Variants in ELOVL7 observed in about 807,000 individuals in gnomAD.
ELOVL7 encodes the protein ELOVL fatty acid elongase 7, also known as very long chain fatty acid elongase 7.
A neutral mutation model predicts 35.7 loss-of-function variants in ELOVL7; 27 were observed. The observed-to-expected ratio is 0.76, with a 90% confidence interval of 0.56 to 1.04. The LOEUF (loss-of-function observed/expected upper bound fraction) is 1.04, where lower values mean the gene tolerates loss of function less well. Ranked by LOEUF, ELOVL7 falls within the 50% of genes least tolerant of loss-of-function variation. ELOVL7 has a pLI of 0.00. For missense variants in ELOVL7, 327 were observed against 340.8 expected (o/e 0.96, Z 0.32); for synonymous variants, 113 against 114.6 (o/e 0.99, Z 0.09).
intron 1 of ELOVL7, chr5:60,843,469 C>T (rs1747307098): frequency 6.6e-6 from 1 of 152,212 alleles, no homozygotes; most frequent in African/African-American, 2.4e-5. Context: ...TCCGGCACGA[C>T]CTGTTCCACG....
intron 1 of ELOVL7, among the ~76,000 whole-genome samples, chr5:60,843,743 C>A (rs2112426784): frequency 6.6e-6 from 1 of 152,316 alleles, no homozygotes; most frequent in East Asian, 1.9e-4. Context: ...GCGAGCACCT[C>A]TGCCCCTCCC....
chr5:60,821,844 G>A (rs1245825467), intron 1 of ELOVL7, among the ~76,000 whole-genome samples: 1 of 152,234 alleles, frequency 6.6e-6, no homozygotes, highest in Non-Finnish European at 1.5e-5. Context: ...ACCAGTTCAA[G>A]TGTTGCTGAA....
At chr5:60,813,539 T>G (rs1745352924) in intron 1 of ELOVL7, among the ~76,000 whole-genome samples, 1 of 152,144 alleles carries the variant, frequency 6.6e-6, no homozygotes, top group Admixed American at 6.6e-5. Flanking sequence ...CCTACTGCCC[T>G]CCAATGTAAA....
At chr5:60,799,817 C>A (rs1744483755) in intron 1 of ELOVL7, among the ~76,000 whole-genome samples, 1 of 152,026 alleles carries the variant, frequency 6.6e-6, no homozygotes, top group Admixed American at 6.5e-5. Context: ...GCGGGCGGAT[C>A]ACCTGAGGTC....
chr5:60,813,781 GCTGA>G (rs1245020684), intron 1 of ELOVL7, among the ~76,000 whole-genome samples: 2 of 152,118 alleles, frequency 1.3e-5, no homozygotes, highest in Non-Finnish European at 2.9e-5. Context: ...GTAGATTGGG[GCTGA>G]CTAAGAAGGT....
In ELOVL7 at chr5:60,786,318, T is replaced by C. The variant is rs1214948967; in HGVS notation, c.64+1016A>G. ...CTTTTAAAACTTTAAAAAATGGTTA[T>C]AAAAGCAACACAACATATTTGTTGT... is the stretch of plus-strand genomic sequence containing the variant. On this transcript the variant is annotated intron_variant, in intron 3 of 8. Coordinates refer to ENST00000508821, the MANE Select transcript of ELOVL7 (RefSeq NM_024930.3). Among the ~76,000 whole-genome samples the C allele has an allele frequency of 3.3e-5, 5 of 152,144 alleles. No individual in the cohort carries two copies. The East Asian group carries it at 9.6e-4, about 29-fold the overall frequency.
intron 3 of ELOVL7, chr5:60,786,112 TA>T (rs1743569253): frequency 6.6e-6 from 1 of 152,158 alleles, no homozygotes; most frequent in South Asian, 2.1e-4. Context: ...ACTCAAATGT[TA>T]AATACCAGAG....
chr5:60,777,132 G>A (rs1742955960), intron 3 of ELOVL7, among the ~76,000 whole-genome samples: 1 of 151,970 alleles, frequency 6.6e-6, no homozygotes, highest in Non-Finnish European at 1.5e-5. Context: ...GGTGGGAATA[G>A]CTAATGGGTA....
chr5:60,815,444 A>C (rs1325058702), intron 1 of ELOVL7, among the ~76,000 whole-genome samples: 6 of 152,220 alleles, frequency 3.9e-5, no homozygotes, highest in African/African-American at 1.4e-4. Context: ...AAATCAGAAA[A>C]ACCTTGCAGA....
intron 3 of ELOVL7, chr5:60,785,821 T>C (rs1057308061): frequency 2.0e-5 from 3 of 152,236 alleles, no homozygotes; most frequent in Non-Finnish European, 2.9e-5. Flanking sequence ...ATGAGATACT[T>C]ACAAAGAACC....
At chr5:60,837,884 C>T (rs1746922043) in intron 1 of ELOVL7, among the ~76,000 whole-genome samples, 1 of 152,108 alleles carries the variant, frequency 6.6e-6, no homozygotes, top group Non-Finnish European at 1.5e-5. Flanking sequence ...TGCAGTAAGC[C>T]AAGAGCATGC....
At chr5:60,786,329 CAACAT>C (rs914188474) in intron 3 of ELOVL7, among the ~76,000 whole-genome samples, 3 of 152,122 alleles carry the variant, frequency 2.0e-5, no homozygotes, top group African/African-American at 4.8e-5. Context: ...AAAAGCAACA[CAACAT>C]ATTTGTTGTG....
At chr5:60,757,370 T>C (rs1380115819) in intron 8 of ELOVL7, 139 bp downstream of exon 8, 1 of 697,216 alleles carries the variant, frequency 1.4e-6, no homozygotes, top group Non-Finnish European at 2.2e-6. Context: ...AGAACCATGA[T>C]GGCATATCAT....
intron 3 of ELOVL7, among the ~76,000 whole-genome samples, chr5:60,779,957 C>A (rs943583336): frequency 1.3e-5 from 2 of 152,054 alleles, no homozygotes; most frequent in African/African-American, 4.8e-5. Context: ...AAAATGCTGC[C>A]AGTCTTTTTT....
intron 1 of ELOVL7, among the ~76,000 whole-genome samples, chr5:60,826,936 C>T (rs1306303334): frequency 6.6e-6 from 1 of 152,206 alleles, no homozygotes; most frequent in Admixed American, 6.5e-5. Context: ...ATCCATACTA[C>T]TTTCTTCAGT....
intron 8 of ELOVL7, among the ~76,000 whole-genome samples, chr5:60,756,388 T>C (rs551878568): frequency 6.6e-6 from 1 of 152,298 alleles, no homozygotes; most frequent in South Asian, 2.1e-4. Flanking sequence ...TGTATTTTTT[T>C]CTCTTTGCTT....
chr5:60,767,866 C>T lies in ELOVL7; in HGVS notation c.293G>A (p.Arg98Gln), dbSNP rs866433834. 14 of 1,613,758 alleles carry T rather than the reference C, an allele frequency of 8.7e-6. No individual in the cohort carries two copies. Among genetic ancestry groups the T allele is most frequent in the South Asian group, 5.5e-5 (5 of 91,068 alleles). ...MSGWGIGYSF[R>Q]CDIVDYSRSP... ...CCGTGAATAGTCAACAATGTCACATCGAAATGAATAACCTATACCCCAGCC... is the reference window on the plus strand; with the variant it reads ...CCGTGAATAGTCAACAATGTCACATTGAAATGAATAACCTATACCCCAGCC... Residue 98 changes from arginine to glutamine, a missense_variant, in exon 5 of 9, where the codon CGA becomes CAA. Transcript: ENST00000508821.
chr5:60,764,320 G>A lies in ELOVL7; in HGVS notation c.406C>T (p.Leu136=). ...GTCACTTGGCTATTTTTCTTGCGCA[G>A]AACAAAAAAGATCTGAAATAATTTA... is the stretch of plus-strand genomic sequence containing the variant. The part of the protein sequence containing the change: ...IELLDTIFFV[L]RKKNSQVTFL... The change falls in exon 7 of 9, where the codon CTG becomes TTG. Residue 136 remains leucine (L), a synonymous_variant. Transcript: ENST00000508821. The A allele has an allele frequency of 6.2e-7, 1 of 1,607,892 alleles. No homozygotes were observed. The highest frequency in any genetic ancestry group is 1.3e-5 in the African/African-American group (1 of 74,800).
At chr5:60,761,471 A>G (rs995860434) in intron 7 of ELOVL7, among the ~76,000 whole-genome samples, 2 of 152,138 alleles carry the variant, frequency 1.3e-5, no homozygotes, top group Non-Finnish European at 2.9e-5. Flanking sequence ...GCCAAACAAC[A>G]TTTCTGGGAA....
Sources: allele counts gnomAD v4.1 joint callset (sites outside exome capture counted in the v4.1 genomes callset), GRCh38; gene constraint gnomAD v4.1.1; transcripts MANE v1.5; gene names NCBI Gene and HGNC (gene_info 2026-07-23, HGNC 2026-07-21).